Variants in RHBDD1 observed in about 807,000 individuals in gnomAD.
The protein encoded by RHBDD1 is rhomboid-related protein 4.
A neutral mutation model predicts 36.3 loss-of-function variants in RHBDD1; 38 were observed. The observed-to-expected ratio is 1.05, with a 90% CI of 0.81 to 1.37. The LOEUF (loss-of-function observed/expected upper bound fraction) is 1.37. Among genes scored for constraint, RHBDD1 ranks in the 40% most tolerant of loss-of-function variants. RHBDD1 has a pLI of 0.00. For synonymous variants in RHBDD1, 151 were observed against 136.5 expected (o/e 1.11, Z -0.74); for missense variants, 393 against 377.6 (o/e 1.04, Z -0.34).
At chr2:226,858,250 TA>T (rs1943522251) in intron 3 of RHBDD1, among the ~76,000 whole-genome samples, 1 of 152,216 alleles carries the variant, frequency 6.6e-6, no homozygotes, top group Non-Finnish European at 1.5e-5. Flanking sequence ...GGCATGAAAG[TA>T]GTGCTAATGA....
At chr2:226,838,885 A>C (rs1436760446) in intron 2 of RHBDD1, among the ~76,000 whole-genome samples, 1 of 152,212 alleles carries the variant, frequency 6.6e-6, no homozygotes, top group South Asian at 2.1e-4. Context: ...TGTTTACAGC[A>C]AGGTAAACAT....
intron 5 of RHBDD1, among the ~76,000 whole-genome samples, chr2:226,873,124 G>A (rs1333487515): frequency 4.6e-5 from 7 of 152,296 alleles, no homozygotes; most frequent in South Asian, 2.1e-4. Flanking sequence ...CTGTGGGACC[G>A]CTGCTCTTGC....
At chr2:226,903,145 A>G (rs894029066) in intron 5 of RHBDD1, among the ~76,000 whole-genome samples, 1 of 152,120 alleles carries the variant, frequency 6.6e-6, no homozygotes, top group East Asian at 1.9e-4. Flanking sequence ...CATTTTTACA[A>G]CTATTAATAG....
intron 8 of RHBDD1, among the ~76,000 whole-genome samples, chr2:226,964,268 A>G (rs1331917424): frequency 6.6e-6 from 1 of 152,158 alleles, no homozygotes; most frequent in African/African-American, 2.4e-5. Context: ...AGTCCAATAA[A>G]ACAGTTCTAG....
chr2:226,956,711 G>A (rs1044250027), intron 8 of RHBDD1, among the ~76,000 whole-genome samples: 10 of 152,150 alleles, frequency 6.6e-5, no homozygotes, highest in Non-Finnish European at 1.5e-4. Context: ...GCTCAGAAAC[G>A]TTAGGACAAA....
chr2:226,855,886 T>G (rs1336811857), intron 3 of RHBDD1, among the ~76,000 whole-genome samples: 1 of 152,232 alleles, frequency 6.6e-6, no homozygotes, highest in Non-Finnish European at 1.5e-5. Flanking sequence ...TTTGATTGTC[T>G]TCATTTCTTT....
intron 8 of RHBDD1, among the ~76,000 whole-genome samples, chr2:226,922,933 C>G (rs1198557637): frequency 6.6e-6 from 1 of 152,088 alleles, no homozygotes. Flanking sequence ...CTTTGTCCCC[C>G]TGGTTTTTAG....
chr2:226,827,276 TTA>T, the RHBDD1 span, among the ~76,000 whole-genome samples: 4 of 152,226 alleles, frequency 2.6e-5, no homozygotes, highest in Non-Finnish European at 5.9e-5. Context: ...AATGGTGTTT[TTA>T]AAAGTAAGAT....
chr2:226,944,556 C>T (rs1252734347), intron 8 of RHBDD1, among the ~76,000 whole-genome samples: 1 of 152,056 alleles, frequency 6.6e-6, no homozygotes, highest in Non-Finnish European at 1.5e-5. Context: ...TGCAGTTACA[C>T]GAATAGACAA....
At chr2:226,808,923 G>T in the RHBDD1 span, among the ~76,000 whole-genome samples, 4 of 152,146 alleles carry the variant, frequency 2.6e-5, no homozygotes, top group Non-Finnish European at 1.5e-5. Flanking sequence ...AAATACTGTG[G>T]CTGAACAGGA....
intron 5 of RHBDD1, among the ~76,000 whole-genome samples, chr2:226,904,419 G>T (rs1309427142): frequency 2.0e-5 from 3 of 148,618 alleles, no homozygotes; most frequent in African/African-American, 5.0e-5. Context: ...GCAAGCGGGG[G>T]GGGAGGGGGG....
At chr2:226,880,572 A>C (rs1052999326) in intron 5 of RHBDD1, among the ~76,000 whole-genome samples, 5 of 152,164 alleles carry the variant, frequency 3.3e-5, no homozygotes, top group Admixed American at 1.3e-4. Flanking sequence ...AGGTGTATTA[A>C]TCAACTCTCC....
At chr2:226,835,927 C>G (rs1940899985), upstream of RHBDD1, 1 of 152,550 alleles carries the variant, frequency 6.6e-6, no homozygotes, top group African/African-American at 2.4e-5. Flanking sequence ...CAGCAGAGCG[C>G]GGGCGCGCAC....
At chr2:226,892,384 T>C (rs564820569) in intron 5 of RHBDD1, among the ~76,000 whole-genome samples, 5 of 152,102 alleles carry the variant, frequency 3.3e-5, no homozygotes, top group Non-Finnish European at 5.9e-5. Context: ...TGCAATGCAG[T>C]TTTTGTCCTA....
chr2:226,986,664 TAAA>T (rs1053277174), intron 8 of RHBDD1, among the ~76,000 whole-genome samples: 4 of 152,268 alleles, frequency 2.6e-5, no homozygotes, highest in Non-Finnish European at 5.9e-5. Flanking sequence ...TAGCGATCAC[TAAA>T]AAGTCAGGAA....
At chr2:226,900,383 G>A (rs1947487808) in intron 5 of RHBDD1, among the ~76,000 whole-genome samples, 1 of 152,170 alleles carries the variant, frequency 6.6e-6, no homozygotes, top group African/African-American at 2.4e-5. Context: ...GTCTGAGTGT[G>A]CATTGTATGA....
chr2:226,978,305 C>CT (rs1954956858), intron 8 of RHBDD1, among the ~76,000 whole-genome samples: 1 of 152,152 alleles, frequency 6.6e-6, no homozygotes, highest in Non-Finnish European at 1.5e-5. Context: ...CTATAGCCTG[C>CT]TAGCCCCCCA....
At chr2:226,952,922 G>A (rs1475159877) in intron 8 of RHBDD1, among the ~76,000 whole-genome samples, 4 of 152,152 alleles carry the variant, frequency 2.6e-5, no homozygotes, top group Admixed American at 6.5e-5. Flanking sequence ...GGAATGTTTA[G>A]GGATGGGGTG....
At chr2:226,978,468 C>A (rs868858833) in intron 8 of RHBDD1, among the ~76,000 whole-genome samples, 1 of 152,068 alleles carries the variant, frequency 6.6e-6, no homozygotes, top group Admixed American at 6.6e-5. Context: ...TGGACCATAC[C>A]GTTTTCTGGT....
Sources: allele counts gnomAD v4.1 joint callset (sites outside exome capture counted in the v4.1 genomes callset), GRCh38; gene constraint gnomAD v4.1.1; transcripts MANE v1.5; gene names NCBI Gene and HGNC (gene_info 2026-07-23, HGNC 2026-07-21).